CDH13: variants seen among roughly 807,000 people sequenced by gnomAD.
CDH13 encodes the protein cadherin 13.
In CDH13, 24 loss-of-function variants were observed where a neutral mutation model predicts 63.8. The observed-to-expected ratio is 0.38, with a 90% CI of 0.27 to 0.53. The LOEUF is 0.53. Among genes scored for constraint, CDH13 ranks in the 20% least tolerant of loss-of-function variants. The pLI, the probability that CDH13 is intolerant of heterozygous loss-of-function variation, is 0.85. For missense variants in CDH13, 1,049 were observed against 903.1 expected (o/e 1.16, Z -2.07); for synonymous variants, 503 against 355.3 (o/e 1.42, Z -4.67).
At chr16:83,288,597 G>A (rs917643472) in intron 5 of CDH13, among the ~76,000 whole-genome samples, 6 of 152,158 alleles carry the variant, frequency 3.9e-5, no homozygotes, top group Admixed American at 1.3e-4. Flanking sequence ...ACCTCTCTGC[G>A]GTGACATTCA....
chr16:82,696,283 A>C (rs2030277247), intron 1 of CDH13, among the ~76,000 whole-genome samples: 1 of 152,212 alleles, frequency 6.6e-6, no homozygotes, highest in African/African-American at 2.4e-5. Flanking sequence ...CTTTACTAAA[A>C]AGTGTCACTC....
intron 1 of CDH13, among the ~76,000 whole-genome samples, chr16:82,843,283 T>G (rs1399106964): frequency 6.6e-6 from 1 of 152,230 alleles, no homozygotes; most frequent in Non-Finnish European, 1.5e-5. Context: ...AGATGTTACT[T>G]GCATCAATGC....
At chr16:83,121,247 T>G (rs936916006) in intron 3 of CDH13, among the ~76,000 whole-genome samples, 3 of 152,234 alleles carry the variant, frequency 2.0e-5, no homozygotes, top group Non-Finnish European at 4.4e-5. Flanking sequence ...ATTGAGATTT[T>G]AATATTCTTC....
At chr16:83,267,355 C>A (rs961782242) in intron 5 of CDH13, among the ~76,000 whole-genome samples, 4 of 152,144 alleles carry the variant, frequency 2.6e-5, no homozygotes, top group African/African-American at 9.7e-5. Flanking sequence ...GGCTAATTCA[C>A]TCCATGTATG....
intron 3 of CDH13, among the ~76,000 whole-genome samples, chr16:83,115,436 A>G (rs1415054970): frequency 6.6e-6 from 1 of 152,268 alleles, no homozygotes; most frequent in African/African-American, 2.4e-5. Context: ...TATAAAGGTT[A>G]GAAGGAACCA....
chr16:82,784,306 C>T (rs2035901524), intron 1 of CDH13, among the ~76,000 whole-genome samples: 1 of 152,170 alleles, frequency 6.6e-6, no homozygotes, highest in Non-Finnish European at 1.5e-5. Flanking sequence ...TATCACGGCG[C>T]AGCATGTGGG....
intron 2 of CDH13, among the ~76,000 whole-genome samples, chr16:83,000,407 C>G (rs1038901032): frequency 6.6e-6 from 1 of 150,382 alleles, no homozygotes; most frequent in Non-Finnish European, 1.5e-5. Flanking sequence ...CGCCACCACG[C>G]CCAGCTAATT....
intron 1 of CDH13, among the ~76,000 whole-genome samples, chr16:82,629,954 G>A (rs1392669446): frequency 6.6e-6 from 1 of 152,196 alleles, no homozygotes; most frequent in Non-Finnish European, 1.5e-5. Flanking sequence ...CAATGAGTGA[G>A]TAATCCCCCA....
At chr16:83,595,909 G>C (rs568086796) in intron 7 of CDH13, among the ~76,000 whole-genome samples, 11 of 152,310 alleles carry the variant, frequency 7.2e-5, no homozygotes, top group African/African-American at 2.6e-4. Context: ...GTATACAGTG[G>C]AATGAGTTAC....
rs115410958 is a variant in CDH13, at chr16:82,932,666, C to G, written c.157+74193C>G. On this transcript the variant is annotated intron_variant, in intron 2 of 13. Transcript: ENST00000567109. ...GTATTTACTTGAGGAAGTATTTAAT[C>G]CCTTAGCATAGACCTTTAGGTTTTC... is the stretch of plus-strand genomic sequence containing the variant. Among the ~76,000 whole-genome samples, 423 of 152,274 alleles carry G rather than the reference C, an allele frequency of 2.8e-3. 3 individuals carry two copies. Among genetic ancestry groups the G allele is most frequent in the African/African-American group, 9.8e-3 (408 of 41,544 alleles).
intron 4 of CDH13, among the ~76,000 whole-genome samples, chr16:83,205,111 T>C (rs1284305611): frequency 2.0e-5 from 3 of 152,272 alleles, no homozygotes; most frequent in East Asian, 1.9e-4. Context: ...ATAGAAGAGA[T>C]GGGAGGTACA....
intron 2 of CDH13, among the ~76,000 whole-genome samples, chr16:82,987,455 C>T (rs1366450375): frequency 2.0e-5 from 3 of 152,168 alleles, no homozygotes; most frequent in Non-Finnish European, 4.4e-5. Flanking sequence ...TGGCTCATTG[C>T]AACCTCCTCC....
intron 5 of CDH13, among the ~76,000 whole-genome samples, chr16:83,279,987 T>C (rs2089114595): frequency 6.6e-6 from 1 of 152,232 alleles, no homozygotes; most frequent in African/African-American, 2.4e-5. Context: ...AACAAACATC[T>C]GAATCTTTTT....
At chr16:83,764,082 C>T (rs1054648801) in intron 11 of CDH13, among the ~76,000 whole-genome samples, 1 of 152,190 alleles carries the variant, frequency 6.6e-6, no homozygotes, top group Non-Finnish European at 1.5e-5. Flanking sequence ...ATTCCCAGTA[C>T]TCCTAAGCAT....
intron 5 of CDH13, among the ~76,000 whole-genome samples, chr16:83,319,829 A>C (rs1354755010): frequency 6.6e-6 from 1 of 152,178 alleles, no homozygotes; most frequent in Non-Finnish European, 1.5e-5. Flanking sequence ...GTCATAGCTA[A>C]ATTTCAGGGG....
intron 10 of CDH13, among the ~76,000 whole-genome samples, chr16:83,746,858 C>T (rs1039978605): frequency 6.6e-6 from 1 of 152,164 alleles, no homozygotes; most frequent in Non-Finnish European, 1.5e-5. Context: ...TTATTTCTTA[C>T]TCTATGCATC....
At chr16:83,474,217 G>C (rs1598103220) in intron 6 of CDH13, among the ~76,000 whole-genome samples, 1 of 152,248 alleles carries the variant, frequency 6.6e-6, no homozygotes, top group South Asian at 2.1e-4. Flanking sequence ...TACTGCAAAG[G>C]TCTCCTCCTC....
intron 2 of CDH13, among the ~76,000 whole-genome samples, chr16:82,952,137 G>C (rs541066897): frequency 2.8e-4 from 43 of 152,274 alleles, no homozygotes; most frequent in Admixed American, 2.2e-3. Flanking sequence ...GTGACTCCTT[G>C]CTCATCAAGT....
chr16:83,633,823 C>G (rs991215949), intron 8 of CDH13, among the ~76,000 whole-genome samples: 4 of 152,136 alleles, frequency 2.6e-5, no homozygotes, highest in African/African-American at 9.7e-5. Context: ...CCATCATAAA[C>G]AAGGTATCCC....
Sources: gnomAD v4.1 joint callset for allele counts (sites outside exome capture counted in the v4.1 genomes callset) on GRCh38, gnomAD v4.1.1 for gene constraint, MANE v1.5 for transcripts, NCBI Gene and HGNC (gene_info 2026-07-23, HGNC 2026-07-21) for gene names.